Variants in SPI1 observed in about 807,000 individuals in gnomAD.
The protein encoded by SPI1 is transcription factor PU.1.
In SPI1, 3 loss-of-function variants were observed where a neutral mutation model predicts 30.7. The ratio of observed to expected loss-of-function variants is 0.10; its 90% confidence interval spans 0.04 to 0.25. SPI1 has a LOEUF of 0.25. Among genes scored for constraint, SPI1 ranks in the 10% least tolerant of loss-of-function variants. The pLI is 1.00. For synonymous variants in SPI1, 169 were observed against 157.1 expected, an observed-to-expected ratio of 1.08 and a Z score of -0.56; for missense variants, 261 against 371.5, an observed-to-expected ratio of 0.70 and a Z score of 2.45.
rs1377126717 is a variant in SPI1 at position 47,359,652 on chromosome 11, G to A, written c.330+201C>T. On this transcript the variant is annotated intron_variant, in intron 3 of 4. Coordinates refer to ENST00000378538, the MANE Select transcript of SPI1 (RefSeq NM_003120.3). This position sits in a 1 kb window ranked among gnomAD's most constrained non-coding sequence, Gnocchi z 5.1. ...AATTATCTGGGGTCTGTCCATACTC[G>A]GGGTGAGATGAGATAAGGGGTGTGG... Among the ~76,000 whole-genome samples, 2 of 152,036 alleles carry A rather than the reference G, an allele frequency of 1.3e-5. No individual in the cohort carries two copies. Among genetic ancestry groups the A allele is most frequent in the Non-Finnish European group, 2.9e-5 (2 of 67,980 alleles).
Position 47,359,459 on chromosome 11 carries a change from C to T in SPI1, c.330+394G>A, listed in dbSNP as rs773870466. ...TAGAGGTCAGCAGAGGTCACTGATCCGGGTTAGGGTCAGTAGGGAGGGTCA... is the reference window on the plus strand; with the variant it reads ...TAGAGGTCAGCAGAGGTCACTGATCTGGGTTAGGGTCAGTAGGGAGGGTCA... On this transcript the variant is annotated intron_variant, in intron 3 of 4. Transcript: ENST00000378538. The surrounding 1 kb of genome is among the most constrained non-coding windows in gnomAD (Gnocchi z 5.1). Among the ~76,000 whole-genome samples the T allele has an allele frequency of 1.6e-4, 25 of 151,870 alleles. No homozygotes were observed. The highest frequency in any genetic ancestry group is 4.1e-4 in the South Asian group (2 of 4,820).
chr11:47,378,229 G>T, intron 1 of SPI1, 80 bp downstream of exon 1: 2 of 1,465,624 alleles, frequency 1.4e-6, no homozygotes, highest in South Asian at 1.2e-5. Context: ...AGGGCAGTGG[G>T]TGGGCTGGCG....
chr11:47,371,509 A>C (rs2095935954), intron 2 of SPI1, among the ~76,000 whole-genome samples: 1 of 148,862 alleles, frequency 6.7e-6, no homozygotes, highest in South Asian at 2.2e-4. Flanking sequence ...TCTACTAAAA[A>C]ATACAACATT....
intron 4 of SPI1, among the ~76,000 whole-genome samples, chr11:47,356,243 C>T (rs2095908952): frequency 6.6e-6 from 1 of 150,858 alleles, no homozygotes; most frequent in South Asian, 2.1e-4. Flanking sequence ...ACTAACATGC[C>T]CCCACACACT....
At chr11:47,371,945 T>C (rs1199271761) in intron 2 of SPI1, among the ~76,000 whole-genome samples, 1 of 152,146 alleles carries the variant, frequency 6.6e-6, no homozygotes, top group African/African-American at 2.4e-5. Flanking sequence ...TCCCTTTACC[T>C]TGAATACCTC....
chr11:47,377,796 A>G (rs2095944289), intron 1 of SPI1, among the ~76,000 whole-genome samples: 1 of 152,238 alleles, frequency 6.6e-6, no homozygotes, highest in South Asian at 2.1e-4. Flanking sequence ...CCTTTGGTCA[A>G]CAATCATGTC....
At chr11:47,358,569 T>A (rs1472141961) in intron 4 of SPI1, 1 of 699,790 alleles carries the variant, frequency 1.4e-6, no homozygotes, top group African/African-American at 1.8e-5. Flanking sequence ...CTCTGCACAC[T>A]TGCTCACACA....
rs773070296 is a variant in SPI1 at position 47,375,697 on chromosome 11, A to G, written c.78T>C (p.Asp26=). The stretch of plus-strand genomic sequence containing the variant: ...ACTCGTGCGTTTGGCGTTGGTATAG[A>G]TCCGTGTCATAGGGCACCAGGTCTT... ...PSEDLVPYDT[D]LYQRQTHEYY... Residue 26 remains aspartate (D), a synonymous_variant, in exon 2 of 5, where the codon GAT becomes GAC. Transcript: ENST00000378538. The surrounding 1 kb of genome is among the most constrained non-coding windows in gnomAD (Gnocchi z 4.2). 1 of 1,613,816 alleles carries G rather than the reference A, an allele frequency of 6.2e-7. No homozygotes were observed. Among genetic ancestry groups the G allele is most frequent in the South Asian group, 1.1e-5 (1 of 91,054 alleles).
intron 4 of SPI1, among the ~76,000 whole-genome samples, chr11:47,357,292 TC>T (rs11290095): frequency 0.69 from 104,433 of 151,656 alleles, 36,017 homozygotes; most frequent in African/African-American, 0.75. Flanking sequence ...TGCTCACTTA[TC>T]ACTCACACGC....
rs4752829 is a variant in SPI1, at chr11:47,375,103, G to A, written c.142+530C>T. On this transcript the variant is annotated intron_variant, in intron 2 of 4. Coordinates refer to ENST00000378538, the MANE Select transcript of SPI1 (RefSeq NM_003120.3). The surrounding 1 kb of genome is among the most constrained non-coding windows in gnomAD (Gnocchi z 4.2). ...TGCCACTAAGCTTCCTACGGTACCC[G>A]GGACAGCCCACCCAGGAATCATCCC... Among the ~76,000 whole-genome samples, 48,467 of 152,058 alleles carry A rather than the reference G, an allele frequency of 0.32. 8,005 individuals are homozygous for A. The highest frequency in any genetic ancestry group is 0.39 in the African/African-American group (16,093 of 41,464).
chr11:47,375,859 T>G lies in SPI1; in HGVS notation c.46-130A>C, dbSNP rs1031683109. 8.8e-5 allele frequency: 67 copies of G among 764,588 alleles called. No individual in the cohort carries two copies. The highest frequency in any genetic ancestry group is 1.3e-4 in the Non-Finnish European group (57 of 431,688). The allele number at this position is 764,588 out of a possible 1,614,324, so 47.4% of individuals were successfully genotyped here. A position where few individuals can be genotyped will look rare whatever the true frequency, so the allele number is the denominator to read the frequency against. On this transcript the variant is annotated intron_variant, in intron 1 of 4. Transcript: ENST00000378538. This position sits in a 1 kb window ranked among gnomAD's most constrained non-coding sequence, Gnocchi z 4.2. ...GCTGCGTTGGACCTACAGCCCTCCC[T>G]CTGCCTGGAACTGGGACAGAGAGTG...
At chr11:47,373,797 C>A (rs533904920) in intron 2 of SPI1, among the ~76,000 whole-genome samples, 14 of 152,246 alleles carry the variant, frequency 9.2e-5, no homozygotes, top group Non-Finnish European at 1.2e-4. Flanking sequence ...CCCAGGCATC[C>A]AATCAGGAGT....
chr11:47,375,066 T>C lies in SPI1; in HGVS notation c.142+567A>G, dbSNP rs2095940539. Among the ~76,000 whole-genome samples, 1 of 152,180 alleles carries C rather than the reference T, an allele frequency of 6.6e-6. No individual in the cohort carries two copies. Among genetic ancestry groups the C allele is most frequent in the Admixed American group, 6.5e-5 (1 of 15,286 alleles). ...GGCCATGGCCCTGGCATGTGGTAGGTAGAAGCAAGGATGCCACTAAGCTTC... is the reference window on the plus strand; with the variant it reads ...GGCCATGGCCCTGGCATGTGGTAGGCAGAAGCAAGGATGCCACTAAGCTTC... On this transcript the variant is annotated intron_variant, in intron 2 of 4. Coordinates refer to ENST00000378538, the MANE Select transcript of SPI1 (RefSeq NM_003120.3). The surrounding 1 kb of genome is among the most constrained non-coding windows in gnomAD (Gnocchi z 4.2).
At chr11:47,366,579 A>G (rs1054916582) in intron 2 of SPI1, among the ~76,000 whole-genome samples, 1 of 152,192 alleles carries the variant, frequency 6.6e-6, no homozygotes, top group Non-Finnish European at 1.5e-5. Context: ...ACAGGCTCAG[A>G]GGTCGAGGCA....
chr11:47,370,685 G>T (rs2095934543), intron 2 of SPI1, among the ~76,000 whole-genome samples: 1 of 152,214 alleles, frequency 6.6e-6, no homozygotes, highest in Non-Finnish European at 1.5e-5. Flanking sequence ...CTAGGCGACA[G>T]AGTGAGACTG....
Position 47,378,428 on chromosome 11 carries a change from C to T in SPI1, c.-75G>A, listed in dbSNP as rs1476700661. Reference sequence around the variant, plus strand: ...GCAGAGCCCCTCAGGATGGGGTGCCCCGTCAGGGGCTGGACGGTCGTGGGG... The same window carrying T: ...GCAGAGCCCCTCAGGATGGGGTGCCTCGTCAGGGGCTGGACGGTCGTGGGG... On this transcript the variant is annotated 5_prime_UTR_variant, in exon 1 of 5. Coordinates refer to ENST00000378538, the MANE Select transcript of SPI1 (RefSeq NM_003120.3). The T allele has an allele frequency of 7.2e-6, 11 of 1,524,372 alleles. No homozygotes were observed. The highest frequency in any genetic ancestry group is 7.2e-6 in the Non-Finnish European group (8 of 1,117,568). 94.4% of individuals were successfully genotyped at this position (1,524,372 alleles called of 1,614,324 possible). A position where few individuals can be genotyped will look rare whatever the true frequency, so the allele number is the denominator to read the frequency against.
Position 47,358,955 on chromosome 11 carries a change from G to T in SPI1, c.382C>A (p.Gln128Lys), listed in dbSNP as rs1437805137. The change falls in exon 4 of 5, where the codon CAG becomes AAG. Residue 128 changes from glutamine (Q) to lysine (K), a missense_variant. By Grantham distance (53) the Gln-to-Lys change is moderately conservative (BLOSUM62 1). Transcript: ENST00000378538. The part of the protein sequence containing the change: ...CLQYPSLSPA[Q>K]PSSDEEEGER... The stretch of plus-strand genomic sequence containing the variant: ...CCCTCCTCCTCATCTGAGCTGGGCT[G>T]GGCTGGGGACAGGGATGGGTACTGG... 3.8e-6 allele frequency: 6 copies of T among 1,559,676 alleles called. No homozygotes were observed. The South Asian group carries it at 7.4e-5, about 19-fold the overall frequency.
intron 4 of SPI1, among the ~76,000 whole-genome samples, chr11:47,356,116 A>T (rs1467444662): frequency 6.6e-6 from 1 of 150,784 alleles, no homozygotes; most frequent in African/African-American, 2.4e-5. Context: ...GCCAGATTGC[A>T]CCCACACCCA....
At chr11:47,357,209 G>GCA (rs551464999) in intron 4 of SPI1, among the ~76,000 whole-genome samples, 1 of 142,968 alleles carries the variant, frequency 7.0e-6, no homozygotes, top group Non-Finnish European at 1.5e-5. Flanking sequence ...ACACATATCT[G>GCA]CACACACACA....
Sources: gnomAD v4.1 joint callset for allele counts (sites outside exome capture counted in the v4.1 genomes callset) on GRCh38, gnomAD v4.1.1 for gene constraint, Gnocchi (gnomAD v3.1) non-coding constraint, MANE v1.5 for transcripts, NCBI Gene and HGNC (gene_info 2026-07-23, HGNC 2026-07-21) for gene names.